Variants in SHTN1 observed in about 807,000 individuals in gnomAD.
SHTN1 encodes shootin-1.
Under a neutral mutation model 83.1 loss-of-function variants are expected in SHTN1, and 42 were observed. The observed-to-expected ratio is 0.51, with a 90% CI of 0.39 to 0.65. The LOEUF is 0.65. Among genes scored for constraint, SHTN1 ranks in the 30% least tolerant of loss-of-function variants. The probability of loss-of-function intolerance (pLI) is 0.00; values close to 1 mark genes in which losing one functional copy is unlikely to be tolerated. For missense variants in SHTN1, 622 were observed against 737.8 expected (o/e 0.84, Z 1.82); for synonymous variants, 224 against 247.7 (o/e 0.90, Z 0.90).
intron 1 of SHTN1, among the ~76,000 whole-genome samples, chr10:117,062,131 A>G (rs776631737): frequency 1.3e-5 from 2 of 152,210 alleles, no homozygotes; most frequent in Admixed American, 1.3e-4. Flanking sequence ...AACATTTCAC[A>G]TTAGTCTTTT....
intron 12 of SHTN1, among the ~76,000 whole-genome samples, chr10:116,920,938 C>T (rs1387290959): frequency 6.6e-6 from 1 of 152,186 alleles, no homozygotes; most frequent in Non-Finnish European, 1.5e-5. Flanking sequence ...CAGCAGTCCA[C>T]TTCCACAATC....
intron 2 of SHTN1, among the ~76,000 whole-genome samples, chr10:117,016,484 G>A (rs947628838): frequency 6.6e-6 from 1 of 152,210 alleles, no homozygotes; most frequent in Non-Finnish European, 1.5e-5. Flanking sequence ...TCGGCTGTCT[G>A]CAACCTCTGC....
At chr10:116,937,643 G>C (rs899438738) in intron 9 of SHTN1, among the ~76,000 whole-genome samples, 2 of 152,018 alleles carry the variant, frequency 1.3e-5, no homozygotes, top group Admixed American at 1.3e-4. Flanking sequence ...ATGTGTCTTG[G>C]GGTTGCTCTT....
chr10:116,934,338 G>A (rs1411169053), intron 9 of SHTN1, among the ~76,000 whole-genome samples: 1 of 152,134 alleles, frequency 6.6e-6, no homozygotes, highest in Admixed American at 6.5e-5. Context: ...GTTAATTTTT[G>A]TATAAGATTT....
chr10:116,952,810 T>C (rs1296111741), intron 5 of SHTN1, among the ~76,000 whole-genome samples: 1 of 152,224 alleles, frequency 6.6e-6, no homozygotes, highest in Non-Finnish European at 1.5e-5. Flanking sequence ...ATAAAGAATA[T>C]GTTATGTGGT....
At chr10:117,122,864 T>C (rs1398352951) in intron 1 of SHTN1, among the ~76,000 whole-genome samples, 1 of 152,236 alleles carries the variant, frequency 6.6e-6, no homozygotes, top group East Asian at 1.9e-4. Flanking sequence ...TACATTTTTA[T>C]ACAAGGCAGT....
intron 8 of SHTN1, among the ~76,000 whole-genome samples, chr10:116,941,512 A>C (rs1315801224): frequency 6.6e-6 from 1 of 152,224 alleles, no homozygotes; most frequent in Non-Finnish European, 1.5e-5. Context: ...ATGTTTTTGT[A>C]AACTCTGAAA....
rs182097108 is a variant in SHTN1 at position 116,893,685 on chromosome 10, A to G, written c.1674-7119T>C. On this transcript the variant is annotated intron_variant, in intron 16 of 16. Coordinates refer to ENST00000355371, the MANE Select transcript of SHTN1 (RefSeq NM_001127211.3). ...AACAAAATCCACTCCTTTCCATCCC[A>G]GGACTAAAAGAACTTCCCTAGTCTC... Among the ~76,000 whole-genome samples, 4 of 151,426 alleles carry G rather than the reference A, an allele frequency of 2.6e-5. No individual in the cohort carries two copies. In the East Asian group the frequency reaches 7.8e-4, roughly 29 times the overall value.
At chr10:117,098,188 A>G (rs1853534674) in intron 1 of SHTN1, among the ~76,000 whole-genome samples, 1 of 150,468 alleles carries the variant, frequency 6.6e-6, no homozygotes, top group Middle Eastern at 3.4e-3. Flanking sequence ...AGAGATCCAG[A>G]CCATCCTGGC....
intron 1 of SHTN1, among the ~76,000 whole-genome samples, chr10:117,086,517 T>C (rs922665207): frequency 1.3e-5 from 2 of 152,228 alleles, no homozygotes; most frequent in Non-Finnish European, 2.9e-5. Flanking sequence ...TTGTTCTTTC[T>C]TTTTTGTTCT....
chr10:117,035,690 G>A (rs528741410), intron 2 of SHTN1, among the ~76,000 whole-genome samples: 7 of 152,102 alleles, frequency 4.6e-5, no homozygotes, highest in East Asian at 3.9e-4. Flanking sequence ...GGTGGCTCAC[G>A]TCTGTAATCC....
intron 1 of SHTN1, among the ~76,000 whole-genome samples, chr10:117,116,795 A>T (rs1328916000): frequency 6.6e-6 from 1 of 152,182 alleles, no homozygotes; most frequent in Non-Finnish European, 1.5e-5. Flanking sequence ...CATTAACAGA[A>T]CCAAGAACAA....
intron 10 of SHTN1, among the ~76,000 whole-genome samples, chr10:116,928,829 CTT>C (rs1357137979): frequency 1.3e-5 from 2 of 152,174 alleles, no homozygotes; most frequent in East Asian, 3.9e-4. Flanking sequence ...AGCATGGTTT[CTT>C]TTCTTCTGTA....
intron 1 of SHTN1, among the ~76,000 whole-genome samples, chr10:117,056,059 C>T (rs1472159800): frequency 6.6e-6 from 1 of 152,116 alleles, no homozygotes; most frequent in African/African-American, 2.4e-5. Context: ...CTATAACCAT[C>T]AAAGAAGTTG....
At chr10:116,940,349 G>T in intron 9 of SHTN1, 117 bp downstream of exon 9, 1 of 1,059,312 alleles carries the variant, frequency 9.4e-7, no homozygotes. Flanking sequence ...AGTAACTAAG[G>T]CAAAATATGA....
chr10:117,073,787 C>T (rs988398503), intron 1 of SHTN1, among the ~76,000 whole-genome samples: 14 of 152,270 alleles, frequency 9.2e-5, no homozygotes, highest in African/African-American at 3.4e-4. Flanking sequence ...TTCAGGTGAG[C>T]ACCTGGAGAT....
chr10:116,887,899 GAACA>G (rs1847215663), intron 16 of SHTN1, among the ~76,000 whole-genome samples: 1 of 152,144 alleles, frequency 6.6e-6, no homozygotes, highest in Non-Finnish European at 1.5e-5. Context: ...AAAAACAACA[GAACA>G]AATGATCAAC....
intron 1 of SHTN1, among the ~76,000 whole-genome samples, chr10:117,049,944 T>C (rs1289069876): frequency 6.6e-6 from 1 of 151,272 alleles, no homozygotes; most frequent in Non-Finnish European, 1.5e-5. Flanking sequence ...TAAATAATCA[T>C]CTCAAGAAAA....
chr10:117,044,706 A>T (rs1378086859), intron 2 of SHTN1, among the ~76,000 whole-genome samples: 2 of 152,168 alleles, frequency 1.3e-5, no homozygotes, highest in Non-Finnish European at 2.9e-5. Context: ...ATACCTCCAA[A>T]AACCTCCTTG....
Sources: allele counts gnomAD v4.1 joint callset (sites outside exome capture counted in the v4.1 genomes callset), GRCh38; gene constraint gnomAD v4.1.1; transcripts MANE v1.5; gene names NCBI Gene and HGNC (gene_info 2026-07-23, HGNC 2026-07-21).